MCAM: variants seen among roughly 807,000 people sequenced by gnomAD.
MCAM encodes cell surface glycoprotein MUC18.
A neutral mutation model predicts 79.1 loss-of-function variants in MCAM; 55 were observed. The ratio of observed to expected loss-of-function variants is 0.70; its 90% CI spans 0.56 to 0.87. The LOEUF is 0.87. Ranked by LOEUF, MCAM falls within the 40% of genes least tolerant of loss-of-function variation. The probability of loss-of-function intolerance (pLI) is 0.00; values close to 1 mark genes in which losing one functional copy is unlikely to be tolerated. For synonymous variants in MCAM, 330 were observed against 339.8 expected (o/e 0.97, Z 0.32); for missense variants, 745 against 839.8 (o/e 0.89, Z 1.40).
rs1477564976 is a variant in MCAM at position 119,316,125 on chromosome 11, C to T, written c.68-862G>A. On this transcript the variant is annotated intron_variant, in intron 1 of 15. Coordinates refer to ENST00000264036, the MANE Select transcript of MCAM (RefSeq NM_006500.3). The surrounding 1 kb of genome is among the most constrained non-coding windows in gnomAD (Gnocchi z 4.8). Reference sequence around the variant, plus strand: ...CTGTGGAGCCCGATTTAGCCCTTTCCCCAGAAATAAAGTCAGCCTGGGAGG... The same window carrying T: ...CTGTGGAGCCCGATTTAGCCCTTTCTCCAGAAATAAAGTCAGCCTGGGAGG... 1 of 152,822 alleles carries T rather than the reference C, an allele frequency of 6.5e-6. No homozygotes were observed. The highest frequency in any genetic ancestry group is 1.9e-4 in the East Asian group (1 of 5,210). The allele number at this position is 152,822 out of a possible 1,614,324, so 9.5% of individuals were successfully genotyped here. A position where few individuals can be genotyped will look rare whatever the true frequency, so the allele number is the denominator to read the frequency against.
At position 119,312,177 on chromosome 11, in the gene MCAM, G is replaced by T. The variant is rs557950200; in HGVS notation, c.1025-7C>A. The T allele has an allele frequency of 1.2e-6, 2 of 1,611,440 alleles. No individual in the cohort carries two copies. Among genetic ancestry groups the T allele is most frequent in the South Asian group, 2.2e-5 (2 of 90,702 alleles). ...ACTCGGACGTCAGACACATCTGGGG[G>T]TACAGCAATCATGTCACCCAGGGCA... On this transcript the variant is annotated splice_polypyrimidine_tract_variant and splice_region_variant and intron_variant, in intron 8 of 15. Coordinates refer to ENST00000264036, the MANE Select transcript of MCAM (RefSeq NM_006500.3). The surrounding 1 kb of genome is among the most constrained non-coding windows in gnomAD (Gnocchi z 4.9).
Position 119,309,889 on chromosome 11 carries a change from A to G in MCAM, c.1938T>C (p.His646=). The change falls in exon 16 of 16, where the codon CAT becomes CAC. Residue 646 remains histidine, a synonymous_variant. Coordinates refer to ENST00000264036, the MANE Select transcript of MCAM (RefSeq NM_006500.3). The part of the protein sequence containing the change: ...DQGEKYIDLR[H] Reference sequence around the variant, plus strand: ...AGGGAGCTGAAGTGATTCGGGGCTAATGCCTCAGATCGATGTATTTCTCTC... The same window carrying G: ...AGGGAGCTGAAGTGATTCGGGGCTAGTGCCTCAGATCGATGTATTTCTCTC... 6.2e-7 allele frequency: 1 copy of G among 1,601,140 alleles called. No homozygotes were observed. Among genetic ancestry groups the G allele is most frequent in the Non-Finnish European group, 8.5e-7 (1 of 1,173,872 alleles).
Position 119,312,379 on chromosome 11 carries a change from A to G in MCAM, c.911T>C (p.Val304Ala), listed in dbSNP as rs1187695474. Reference sequence around the variant, plus strand: ...CTTCCGGGCAGGCTCCAGCACCAGGACCCCGTTGTCGTTGGTTGTCTCTTC... The same window carrying G: ...CTTCCGGGCAGGCTCCAGCACCAGGGCCCCGTTGTCGTTGGTTGTCTCTTC... ...AEEETTNDNG[V>A]LVLEPARKEH... Residue 304 changes from valine (V) to alanine (A), a missense_variant, in exon 8 of 16, where the codon GTC (valine) becomes GCC (alanine). Physicochemically the swap from Val to Ala is moderately conservative, Grantham distance 64. Transcript: ENST00000264036. This position sits in a 1 kb window ranked among gnomAD's most constrained non-coding sequence, Gnocchi z 4.9. 12 of 1,613,222 alleles carry G rather than the reference A, an allele frequency of 7.4e-6. No individual in the cohort carries two copies. The highest frequency in any genetic ancestry group is 4.0e-5 in the African/African-American group (3 of 74,612).
chr11:119,314,130 A>C, intron 5 of MCAM: 1 of 693,796 alleles, frequency 1.4e-6, no homozygotes, highest in African/African-American at 1.9e-5. Context: ...TAATGAAAAT[A>C]TAAGGCAGTT....
rs1376307131 is a variant in MCAM, at chr11:119,316,745, A to AC, written c.67+289dup. On this transcript the variant is annotated intron_variant, in intron 1 of 15. Coordinates refer to ENST00000264036, the MANE Select transcript of MCAM (RefSeq NM_006500.3). This position sits in a 1 kb window ranked among gnomAD's most constrained non-coding sequence, Gnocchi z 4.8. The stretch of plus-strand genomic sequence containing the variant: ...CCCCAGAGTGAGCACCTCAGGGACC[A>AC]CCCACCCCCCAGCACCCCGAAAGGC... 2.3e-6 allele frequency: 1 copy of AC among 428,152 alleles called. No individual in the cohort carries two copies. The highest frequency in any genetic ancestry group is 4.2e-6 in the Non-Finnish European group (1 of 237,466). The allele number at this position is 428,152 out of a possible 1,614,324, so 26.5% of individuals were successfully genotyped here.
Position 119,308,624 on chromosome 11 carries a change from CACCTG to C in MCAM, c.*1257_*1261del, listed in dbSNP as rs1194471110. The C allele has an allele frequency of 6.6e-6, 1 of 151,690 alleles. No homozygotes were observed. Among genetic ancestry groups the C allele is most frequent in the Non-Finnish European group, 1.5e-5 (1 of 67,936 alleles). The allele number at this position is 151,690 out of a possible 1,614,324, so 9.4% of individuals were successfully genotyped here. ...AAAGGAAACAATTTGCAAATTTACACACCTGACAAAACCATATATACACACATATG... is the reference window on the plus strand; with the variant it reads ...AAAGGAAACAATTTGCAAATTTACACACAAAACCATATATACACACATATG... On this transcript the variant is annotated 3_prime_UTR_variant, in exon 16 of 16. Transcript: ENST00000264036.
Position 119,308,550 on chromosome 11 carries a change from A to G in MCAM, c.*1336T>C, listed in dbSNP as rs1279102408. On this transcript the variant is annotated 3_prime_UTR_variant, in exon 16 of 16. Transcript: ENST00000264036. ...ATGATTTCTGGGACAATTAAGCTTT[A>G]TTTTTCATATATATATATATTTTCA... 1 of 150,422 alleles carries G rather than the reference A, an allele frequency of 6.6e-6. No individual in the cohort carries two copies. Among genetic ancestry groups the G allele is most frequent in the Non-Finnish European group, 1.5e-5 (1 of 67,648 alleles). The allele number at this position is 150,422 out of a possible 1,614,324, so 9.3% of individuals were successfully genotyped here.
intron 5 of MCAM, 124 bp from the exon 6 acceptor site, chr11:119,313,073 G>A (rs1950258422): frequency 1.3e-6 from 2 of 1,553,844 alleles, no homozygotes; most frequent in Non-Finnish European, 8.7e-7. Context: ...AGAAGGCCAG[G>A]TACAAATGCA....
chr11:119,315,065 G>A lies in MCAM; in HGVS notation c.193-25C>T. 1 of 1,609,626 alleles carries A rather than the reference G, an allele frequency of 6.2e-7. No individual in the cohort carries two copies. The highest frequency in any genetic ancestry group is 8.5e-7 in the Non-Finnish European group (1 of 1,179,582). Reference sequence around the variant, plus strand: ...CCTAATGGGAGGAGACACAGAGGAGGAGAAGGGTCCTGGGCTACAAGAGGG... The same window carrying A: ...CCTAATGGGAGGAGACACAGAGGAGAAGAAGGGTCCTGGGCTACAAGAGGG... On this transcript the variant is annotated intron_variant, in intron 2 of 15. Coordinates refer to ENST00000264036, the MANE Select transcript of MCAM (RefSeq NM_006500.3). This position sits in a 1 kb window ranked among gnomAD's most constrained non-coding sequence, Gnocchi z 4.4.
In MCAM at chr11:119,315,048, G is replaced by A. The variant is rs1950292052; in HGVS notation, c.193-8C>T. On this transcript the variant is annotated splice_region_variant and splice_polypyrimidine_tract_variant and intron_variant, in intron 2 of 15. Transcript: ENST00000264036. This position sits in a 1 kb window ranked among gnomAD's most constrained non-coding sequence, Gnocchi z 4.4. ...CCGCTTCTCCTTGTGGACCTAATGG[G>A]AGGAGACACAGAGGAGGAGAAGGGT... The A allele has an allele frequency of 1.2e-6, 2 of 1,608,674 alleles. No individual in the cohort carries two copies. Among genetic ancestry groups the A allele is most frequent in the East Asian group, 4.5e-5 (2 of 44,856 alleles).
chr11:119,313,231 T>C (rs1396715822), intron 5 of MCAM: 3 of 1,417,144 alleles, frequency 2.1e-6, no homozygotes, highest in African/African-American at 2.8e-5. Flanking sequence ...AAATGGGGAA[T>C]GGTGAACTCG....
chr11:119,309,751 C>T lies in MCAM; in HGVS notation c.*135G>A. ...AGGTCCTCAGGTCCTAACCCAGTGG[C>T]CCTCTGAAAGGGGGTGTGCAGGCGA... is the stretch of plus-strand genomic sequence containing the variant. On this transcript the variant is annotated 3_prime_UTR_variant, in exon 16 of 16. Transcript: ENST00000264036. 1.1e-6 allele frequency: 1 copy of T among 895,592 alleles called. No individual in the cohort carries two copies. The highest frequency in any genetic ancestry group is 1.8e-6 in the Non-Finnish European group (1 of 566,802). 55.5% of individuals were successfully genotyped at this position (895,592 alleles called of 1,614,324 possible). A position where few individuals can be genotyped will look rare whatever the true frequency, so the allele number is the denominator to read the frequency against.
In MCAM at chr11:119,312,017, C is replaced by G. The variant is rs371531909; in HGVS notation, c.1143+35G>C. On this transcript the variant is annotated intron_variant, in intron 9 of 15. Transcript: ENST00000264036. This position sits in a 1 kb window ranked among gnomAD's most constrained non-coding sequence, Gnocchi z 4.9. ...TCTTGTCACCGCCAGCCCCACCCAC[C>G]CCATCAGCCCCTTGCCCCAGACCCG... is the stretch of plus-strand genomic sequence containing the variant. 1 of 1,607,114 alleles carries G rather than the reference C, an allele frequency of 6.2e-7. No individual in the cohort carries two copies. Among genetic ancestry groups the G allele is most frequent in the East Asian group, 2.2e-5 (1 of 44,810 alleles).
chr11:119,316,914 G>T lies in MCAM; in HGVS notation c.67+121C>A. ...AAGGCGCCCGGGGATCGGGGACCCA[G>T]GGAGGAGGCTCGTCCTCCCAGACGC... is the stretch of plus-strand genomic sequence containing the variant. On this transcript the variant is annotated intron_variant, in intron 1 of 15. Coordinates refer to ENST00000264036, the MANE Select transcript of MCAM (RefSeq NM_006500.3). The surrounding 1 kb of genome is among the most constrained non-coding windows in gnomAD (Gnocchi z 4.8). 2.5e-6 allele frequency: 2 copies of T among 801,522 alleles called. No individual in the cohort carries two copies. Among genetic ancestry groups the T allele is most frequent in the South Asian group, 1.8e-5 (1 of 55,404 alleles). 49.7% of individuals were successfully genotyped at this position (801,522 alleles called of 1,614,324 possible).
Position 119,315,292 on chromosome 11 carries a change from C to T in MCAM, c.68-29G>A. On this transcript the variant is annotated intron_variant, in intron 1 of 15. Transcript: ENST00000264036. This position sits in a 1 kb window ranked among gnomAD's most constrained non-coding sequence, Gnocchi z 4.4. Reference sequence around the variant, plus strand: ...GGGGAGGGAGGCGGGGCCCCCGCAGCTGTGTCAGCTCCGGCTGCTGTCCGC... The same window carrying T: ...GGGGAGGGAGGCGGGGCCCCCGCAGTTGTGTCAGCTCCGGCTGCTGTCCGC... The T allele has an allele frequency of 6.3e-7, 1 of 1,594,640 alleles. No homozygotes were observed.
rs371887504 is a variant in MCAM, at chr11:119,309,846, G to C, written c.*40C>G. The C allele has an allele frequency of 3.4e-5, 54 of 1,576,720 alleles. No homozygotes were observed. Among genetic ancestry groups the C allele is most frequent in the Non-Finnish European group, 4.6e-5 (53 of 1,155,914 alleles). ...GAGAGAAGAGTGAGCAGGGAGCTGG[G>C]AATGGTCCAGGCAGGGAAGGGAGCT... On this transcript the variant is annotated 3_prime_UTR_variant, in exon 16 of 16. Coordinates refer to ENST00000264036, the MANE Select transcript of MCAM (RefSeq NM_006500.3).
At position 119,315,212 on chromosome 11, in the gene MCAM, A is replaced by G. The variant is rs1488952014; in HGVS notation, c.119T>C (p.Val40Ala). The G allele has an allele frequency of 1.2e-5, 19 of 1,612,678 alleles. No individual in the cohort carries two copies. The highest frequency in any genetic ancestry group is 1.6e-5 in the Non-Finnish European group (19 of 1,179,946). Residue 40 changes from valine to alanine, a missense_variant, in exon 2 of 16, where the codon GTG becomes GCG. Transcript: ENST00000264036. This position sits in a 1 kb window ranked among gnomAD's most constrained non-coding sequence, Gnocchi z 4.4. ...QPAPELVEVE[V>A]GSTALLKCGL... ...GCACTTCAGAAGGGCTGTGCTGCCC[A>G]CTTCCACCTCCACCAGCTCAGGCGC...
rs1487067137 is a variant in MCAM at position 119,309,818 on chromosome 11, G to C, written c.*68C>G. 9.5e-6 allele frequency: 14 copies of C among 1,475,934 alleles called. No individual in the cohort carries two copies. Among genetic ancestry groups the C allele is most frequent in the East Asian group, 9.4e-5 (4 of 42,700 alleles). 91.4% of individuals were successfully genotyped at this position (1,475,934 alleles called of 1,614,324 possible). Reference sequence around the variant, plus strand: ...CTCTCTAGTCCCTTTGGAGGCTTTGGCTGAGAGAAGAGTGAGCAGGGAGCT... The same window carrying C: ...CTCTCTAGTCCCTTTGGAGGCTTTGCCTGAGAGAAGAGTGAGCAGGGAGCT... On this transcript the variant is annotated 3_prime_UTR_variant, in exon 16 of 16. Transcript: ENST00000264036.
chr11:119,311,370 G>A lies in MCAM; in HGVS notation c.1459C>T (p.Leu487Phe). 6.2e-7 allele frequency: 1 copy of A among 1,614,176 alleles called. No homozygotes were observed. The highest frequency in any genetic ancestry group is 8.5e-7 in the Non-Finnish European group (1 of 1,180,008). The change falls in exon 12 of 16, where the codon CTC becomes TTC. Residue 487 changes from leucine to phenylalanine, a missense_variant. Leu to Phe is a conservative substitution (Grantham distance 22, BLOSUM62 0). Transcript: ENST00000264036. The surrounding 1 kb of genome is among the most constrained non-coding windows in gnomAD (Gnocchi z 4.4). ...PQRVLSTLNV[L>F]VTPELLETGV... is the part of the protein sequence containing the mutation. ...GTCTCCAACAGCTCCGGGGTCACGA[G>A]GACATTCAGGGTGCTCAGGACTCGC...
Sources: gnomAD v4.1 joint callset for allele counts on GRCh38, gnomAD v4.1.1 for gene constraint, Gnocchi (gnomAD v3.1) non-coding constraint, MANE v1.5 for transcripts, NCBI Gene and HGNC (gene_info 2026-07-23, HGNC 2026-07-21) for gene names.